The following FGGY variants were observed in gnomAD, a reference collection of about 807,000 sequenced individuals.
FGGY encodes the protein FGGY carbohydrate kinase domain-containing protein.
A neutral mutation model predicts 71.3 loss-of-function variants in FGGY; 72 were observed. That is an observed-to-expected ratio of 1.01 (90% confidence interval 0.84 to 1.23). The LOEUF (loss-of-function observed/expected upper bound fraction) is 1.23, where lower values mean the gene tolerates loss of function less well. Among genes scored for constraint, FGGY ranks in the 50% most tolerant of loss-of-function variants. FGGY has a pLI of 0.00. For synonymous variants in FGGY, 251 were observed against 250.3 expected (o/e 1.00, Z -0.02); for missense variants, 668 against 682.3 (o/e 0.98, Z 0.23).
chr1:59,692,203 G>C (rs1284537340), intron 14 of FGGY, among the ~76,000 whole-genome samples: 1 of 152,106 alleles, frequency 6.6e-6, no homozygotes. Context: ...TAAATGACCC[G>C]GACTTCCAAC....
At chr1:59,631,487 G>A (rs1040386312) in intron 10 of FGGY, among the ~76,000 whole-genome samples, 13 of 152,146 alleles carry the variant, frequency 8.5e-5, no homozygotes, top group African/African-American at 2.9e-4. Flanking sequence ...AAAACTATGG[G>A]ACCCTTTATG....
intron 9 of FGGY, among the ~76,000 whole-genome samples, chr1:59,620,333 T>G (rs1320841918): frequency 6.6e-6 from 1 of 151,696 alleles, no homozygotes; most frequent in Non-Finnish European, 1.5e-5. Context: ...CATCTCTCTT[T>G]TTTCTTCTCT....
chr1:59,510,379 T>C (rs1010392366), intron 6 of FGGY, among the ~76,000 whole-genome samples: 2 of 152,218 alleles, frequency 1.3e-5, no homozygotes, highest in African/African-American at 4.8e-5. Context: ...AGCATGAAAG[T>C]GCTCAGCAAA....
intron 6 of FGGY, among the ~76,000 whole-genome samples, chr1:59,475,672 A>G (rs2093230671): frequency 6.6e-6 from 1 of 152,210 alleles, no homozygotes; most frequent in African/African-American, 2.4e-5. Flanking sequence ...CATTTAATCC[A>G]TCAACAAGTA....
At chr1:59,535,438 A>G (rs1257733617) in intron 7 of FGGY, among the ~76,000 whole-genome samples, 3 of 152,198 alleles carry the variant, frequency 2.0e-5, no homozygotes, top group Admixed American at 6.5e-5. Context: ...GAGAAAGTCA[A>G]CAAGGATACC....
At chr1:59,663,870 G>A (rs2097300232) in intron 12 of FGGY, among the ~76,000 whole-genome samples, 1 of 152,124 alleles carries the variant, frequency 6.6e-6, no homozygotes, top group African/African-American at 2.4e-5. Context: ...CCTGAATATT[G>A]CCGGAGCACT....
At chr1:59,652,087 C>A (rs1243064988) in intron 11 of FGGY, among the ~76,000 whole-genome samples, 5 of 152,050 alleles carry the variant, frequency 3.3e-5, no homozygotes, top group African/African-American at 1.2e-4. Context: ...GGCCCCCACT[C>A]TCTTCTGGCT....
intron 5 of FGGY, among the ~76,000 whole-genome samples, chr1:59,431,691 TGAA>T (rs1377930680): frequency 6.6e-6 from 1 of 152,212 alleles, no homozygotes; most frequent in Non-Finnish European, 1.5e-5. Flanking sequence ...GGAGAATAGA[TGAA>T]GAAGGAACAC....
chr1:59,316,873 G>T (rs114577361), intron 1 of FGGY, among the ~76,000 whole-genome samples: 20 of 151,958 alleles, frequency 1.3e-4, no homozygotes, highest in African/African-American at 4.1e-4. Flanking sequence ...ATTTCTTTCC[G>T]CCTGACCACC....
chr1:59,463,753 C>A (rs1289777544), intron 6 of FGGY, among the ~76,000 whole-genome samples: 1 of 150,824 alleles, frequency 6.6e-6, no homozygotes, highest in Non-Finnish European at 1.5e-5. Context: ...CAACAAAGAT[C>A]AAAAGAGACA....
chr1:59,612,413 G>A (rs968240016), intron 9 of FGGY, among the ~76,000 whole-genome samples: 2 of 152,142 alleles, frequency 1.3e-5, no homozygotes, highest in Non-Finnish European at 2.9e-5. Context: ...ATAAGTGAAG[G>A]AGAAATGAAA....
rs143851971 is a variant in FGGY at position 59,620,495 on chromosome 1, T to C, written c.1012-5493T>C. Among the ~76,000 whole-genome samples the C allele has an allele frequency of 3.4e-3, 515 of 152,178 alleles. 4 individuals carry two copies. Among genetic ancestry groups the C allele is most frequent in the African/African-American group, 0.012 (492 of 41,556 alleles). ...TTATGATCTCTGAATTTTACTTGGG[T>C]TGTTTAGATACTTTATATAAAGATA... On this transcript the variant is annotated intron_variant, in intron 9 of 15. Coordinates refer to ENST00000303721, the MANE Select transcript of FGGY (RefSeq NM_018291.5).
chr1:59,707,586 C>G (rs2097765479), intron 14 of FGGY, among the ~76,000 whole-genome samples: 1 of 152,246 alleles, frequency 6.6e-6, no homozygotes, highest in African/African-American at 2.4e-5. Flanking sequence ...TAAACCAAAA[C>G]ACAGCCATAA....
intron 14 of FGGY, among the ~76,000 whole-genome samples, chr1:59,720,030 C>T (rs1271534426): frequency 1.3e-5 from 2 of 152,156 alleles, no homozygotes; most frequent in Non-Finnish European, 2.9e-5. Context: ...GTGTGATTTC[C>T]TCCTCATTGG....
intron 14 of FGGY, among the ~76,000 whole-genome samples, chr1:59,675,540 T>C (rs931193719): frequency 3.3e-5 from 5 of 152,236 alleles, no homozygotes; most frequent in African/African-American, 1.2e-4. Flanking sequence ...ACTCATGAAT[T>C]CTTGTGGATT....
intron 2 of FGGY, among the ~76,000 whole-genome samples, chr1:59,322,097 T>C (rs942750164): frequency 1.3e-5 from 2 of 152,154 alleles, no homozygotes; most frequent in African/African-American, 4.8e-5. Flanking sequence ...CTGTGTAAAA[T>C]GTGTTAACTT....
intron 13 of FGGY, among the ~76,000 whole-genome samples, chr1:59,672,125 C>T (rs78886720): frequency 9.5e-4 from 144 of 152,292 alleles, no homozygotes; most frequent in Non-Finnish European, 1.6e-3. Context: ...GATTCTTCAA[C>T]GGCTTGCAGT....
chr1:59,424,386 A>C (rs1371796657), intron 5 of FGGY, among the ~76,000 whole-genome samples: 1 of 152,176 alleles, frequency 6.6e-6, no homozygotes, highest in Non-Finnish European at 1.5e-5. Context: ...GTCTCTATTA[A>C]AAATACAAAA....
chr1:59,557,252 G>A (rs1270126144), intron 8 of FGGY, among the ~76,000 whole-genome samples: 1 of 152,028 alleles, frequency 6.6e-6, no homozygotes, highest in African/African-American at 2.4e-5. Flanking sequence ...AGGGTGATGC[G>A]GGCTTTTCAA....
Sources: gnomAD v4.1 joint callset for allele counts (sites outside exome capture counted in the v4.1 genomes callset) on GRCh38, gnomAD v4.1.1 for gene constraint, MANE v1.5 for transcripts, NCBI Gene and HGNC (gene_info 2026-07-23, HGNC 2026-07-21) for gene names.